The following RETREG1 variants were observed in gnomAD, a reference collection of about 807,000 sequenced individuals.
RETREG1 encodes reticulophagy regulator 1.
Under a neutral mutation model 54.8 loss-of-function variants are expected in RETREG1, and 44 were observed. That is an observed-to-expected ratio of 0.80 (90% CI 0.63 to 1.03). The LOEUF is 1.03. Ranked by LOEUF, RETREG1 falls within the 50% of genes least tolerant of loss-of-function variation. The pLI is 0.00. For missense variants in RETREG1, 554 were observed against 605.1 expected (o/e 0.92, Z 0.89); for synonymous variants, 217 against 238.5 (o/e 0.91, Z 0.83).
rs1360024573 is a variant in RETREG1 at position 16,474,332 on chromosome 5, A to G, written c.*409T>C. ...TAGGAATAAGGAAGCTGGTAACAGC[A>G]TGTATTCACAATTAATTGTTAATAT... On this transcript the variant is annotated 3_prime_UTR_variant, in exon 9 of 9. Coordinates refer to ENST00000306320, the MANE Select transcript of RETREG1 (RefSeq NM_001034850.3). The G allele has an allele frequency of 1.2e-5, 2 of 164,504 alleles. No individual in the cohort carries two copies. The highest frequency in any genetic ancestry group is 3.6e-4 in the East Asian group (2 of 5,596). The allele number at this position is 164,504 out of a possible 1,614,324, so 10.2% of individuals were successfully genotyped here.
chr5:16,534,858 T>C (rs1741010649), intron 3 of RETREG1, among the ~76,000 whole-genome samples: 1 of 152,216 alleles, frequency 6.6e-6, no homozygotes, highest in Admixed American at 6.5e-5. Flanking sequence ...AATAATGATC[T>C]CTTTAATAGA....
chr5:16,524,669 T>C (rs1740643447), intron 3 of RETREG1, among the ~76,000 whole-genome samples: 2 of 152,236 alleles, frequency 1.3e-5, no homozygotes, highest in African/African-American at 2.4e-5. Flanking sequence ...ACAAGTTGTG[T>C]TGAACACTGT....
intron 3 of RETREG1, among the ~76,000 whole-genome samples, chr5:16,522,344 G>A (rs1740562187): frequency 6.6e-6 from 1 of 152,148 alleles, no homozygotes; most frequent in African/African-American, 2.4e-5. Flanking sequence ...TAAACTATGT[G>A]TTTGAGAGGC....
At chr5:16,485,701 T>C (rs920335956) in intron 3 of RETREG1, among the ~76,000 whole-genome samples, 9 of 152,348 alleles carry the variant, frequency 5.9e-5, no homozygotes, top group African/African-American at 1.9e-4. Flanking sequence ...AAGTGTTTTA[T>C]AGAGATTACT....
intron 3 of RETREG1, among the ~76,000 whole-genome samples, chr5:16,529,749 G>C (rs190355806): frequency 1.3e-5 from 2 of 152,152 alleles, no homozygotes; most frequent in African/African-American, 4.8e-5. Context: ...GCACCAGTGC[G>C]TGTTTTTCAG....
chr5:16,587,903 A>T (rs1005149000), intron 1 of RETREG1, among the ~76,000 whole-genome samples: 7 of 152,058 alleles, frequency 4.6e-5, no homozygotes, highest in Non-Finnish European at 7.4e-5. Flanking sequence ...GCTCCAGCCA[A>T]TCCCTTTCCA....
intron 3 of RETREG1, among the ~76,000 whole-genome samples, chr5:16,530,494 T>C (rs1019975433): frequency 6.6e-6 from 1 of 152,216 alleles, no homozygotes; most frequent in African/African-American, 2.4e-5. Context: ...CTTAAATAGA[T>C]GATCTGATGA....
intron 1 of RETREG1, 59 bp from the exon 2 acceptor site, chr5:16,572,161 T>A (rs1742191132): frequency 8.1e-7 from 1 of 1,241,876 alleles, no homozygotes; most frequent in African/African-American, 1.5e-5. Context: ...CTTTTCAAAA[T>A]TGGGTTTACT....
In RETREG1 at chr5:16,597,884, G is replaced by A. The variant is rs1011333602; in HGVS notation, c.320+18768C>T. Among the ~76,000 whole-genome samples the A allele has an allele frequency of 2.2e-4, 33 of 152,042 alleles. No homozygotes were observed. The highest frequency in any genetic ancestry group is 8.0e-4 in the African/African-American group (33 of 41,376). Reference sequence around the variant, plus strand: ...AAGATCTGGACCTGCTTCCTTTCCAGCCTCACCTCCTGTGACCGCTGGCAC... The same window carrying A: ...AAGATCTGGACCTGCTTCCTTTCCAACCTCACCTCCTGTGACCGCTGGCAC... On this transcript the variant is annotated intron_variant, in intron 1 of 8. Coordinates refer to ENST00000306320, the MANE Select transcript of RETREG1 (RefSeq NM_001034850.3). The surrounding 1 kb of genome is among the most constrained non-coding windows in gnomAD (Gnocchi z 4.3).
chr5:16,504,218 T>G (rs1272921060), intron 3 of RETREG1, among the ~76,000 whole-genome samples: 1 of 152,238 alleles, frequency 6.6e-6, no homozygotes, highest in Non-Finnish European at 1.5e-5. Context: ...TCCATGTCCC[T>G]GCAAAGGACA....
chr5:16,489,880 A>G (rs1739178945), intron 3 of RETREG1, among the ~76,000 whole-genome samples: 1 of 152,246 alleles, frequency 6.6e-6, no homozygotes, highest in Admixed American at 6.5e-5. Flanking sequence ...TGTTAAATGT[A>G]AGATCTTTTC....
At chr5:16,492,845 C>G (rs1041525453) in intron 3 of RETREG1, among the ~76,000 whole-genome samples, 2 of 152,072 alleles carry the variant, frequency 1.3e-5, no homozygotes, top group Non-Finnish European at 2.9e-5. Flanking sequence ...GAATTAGAAC[C>G]ATGACAACGC....
chr5:16,599,086 T>G (rs1417871216), intron 1 of RETREG1, among the ~76,000 whole-genome samples: 1 of 152,134 alleles, frequency 6.6e-6, no homozygotes, highest in Non-Finnish European at 1.5e-5. Flanking sequence ...CACAGACCTG[T>G]AGTCCCAGCT....
At chr5:16,576,864 C>G (rs1742336310) in intron 1 of RETREG1, among the ~76,000 whole-genome samples, 2 of 152,188 alleles carry the variant, frequency 1.3e-5, no homozygotes, top group Admixed American at 6.5e-5. Flanking sequence ...ATCCCCCCGC[C>G]TCCACCTCCC....
intron 3 of RETREG1, among the ~76,000 whole-genome samples, chr5:16,528,510 C>A (rs553736055): frequency 2.6e-4 from 40 of 152,212 alleles, no homozygotes; most frequent in African/African-American, 9.4e-4. Context: ...GACATGGAGG[C>A]CAGTCTCTTC....
intron 3 of RETREG1, among the ~76,000 whole-genome samples, chr5:16,516,035 T>C (rs1740342292): frequency 1.4e-5 from 2 of 141,176 alleles, no homozygotes; most frequent in African/African-American, 5.4e-5. Flanking sequence ...AATTAAGAAA[T>C]AGTTCCATGT....
At chr5:16,510,632 A>T (rs1740140499) in intron 3 of RETREG1, among the ~76,000 whole-genome samples, 1 of 151,910 alleles carries the variant, frequency 6.6e-6, no homozygotes, top group East Asian at 1.9e-4. Context: ...TCTACTAAAA[A>T]TACAAAAATT....
At chr5:16,605,894 C>T (rs1244938019) in intron 1 of RETREG1, among the ~76,000 whole-genome samples, 1 of 152,140 alleles carries the variant, frequency 6.6e-6, no homozygotes, top group African/African-American at 2.4e-5. Context: ...CTAAAGGCTC[C>T]ACCTCTTAAA....
chr5:16,531,381 G>T (rs1189369506), intron 3 of RETREG1, among the ~76,000 whole-genome samples: 2 of 152,130 alleles, frequency 1.3e-5, no homozygotes, highest in Admixed American at 1.3e-4. Context: ...TGAAATGACC[G>T]ATGCATTTAA....
Sources: gnomAD v4.1 joint callset for allele counts (sites outside exome capture counted in the v4.1 genomes callset) on GRCh38, gnomAD v4.1.1 for gene constraint, Gnocchi (gnomAD v3.1) non-coding constraint, MANE v1.5 for transcripts, NCBI Gene and HGNC (gene_info 2026-07-23, HGNC 2026-07-21) for gene names.